The following CCDC187 variants were observed in gnomAD, a reference collection of about 807,000 sequenced individuals.
The protein encoded by CCDC187 is coiled-coil domain containing 187, also known as coiled-coil domain-containing protein 187.
In CCDC187, 32 loss-of-function variants were observed where a neutral mutation model predicts 38.0. The ratio of observed to expected loss-of-function variants is 0.84; its 90% CI spans 0.64 to 1.13. The LOEUF (loss-of-function observed/expected upper bound fraction) is 1.13. CCDC187 is among the 50% of genes most tolerant of loss of function. The pLI is 0.00. For missense variants in CCDC187, 707 were observed against 786.8 expected (o/e 0.90, Z 1.21); for synonymous variants, 333 against 347.9 (o/e 0.96, Z 0.48).
chr9:136,267,982 G>C, intron 15 of CCDC187, 67 bp downstream of exon 15: 1 of 985,342 alleles, frequency 1.0e-6, no homozygotes, highest in Non-Finnish European at 1.2e-6. Flanking sequence ...TTGGGTCCGG[G>C]GCCCACTACC....
rs868946691 is a variant in CCDC187, at chr9:136,252,432, G to A, written c.*1162C>T. 526 of 133,544 alleles carry A rather than the reference G, an allele frequency of 3.9e-3. 8 individuals carry two copies. Among genetic ancestry groups the A allele is most frequent in the Non-Finnish European group, 4.6e-3 (317 of 68,668 alleles). 8.3% of individuals were successfully genotyped at this position (133,544 alleles called of 1,614,324 possible). A position where few individuals can be genotyped will look rare whatever the true frequency, so the allele number is the denominator to read the frequency against. On this transcript the variant is annotated 3_prime_UTR_variant, in exon 26 of 26. Transcript: ENST00000638797. ...CAGCCGGCCGCCCACCCTGTCCACC[G>A]GGGGAAGGTCCAGGCAACCGTCCCG...
rs1466651189 is a variant in CCDC187 at position 136,279,311 on chromosome 9, T to C, written c.3040+2240A>G. Among the ~76,000 whole-genome samples, 3 of 152,320 alleles carry C rather than the reference T, an allele frequency of 2.0e-5. No individual in the cohort carries two copies. In the East Asian group the frequency reaches 5.8e-4, roughly 29 times the overall value. ...GGGTGTTTAAGTCTAGAAGGTTCCA[T>C]TGGACAGCTCTGGTGGAAGTGTTTA... On this transcript the variant is annotated intron_variant, in intron 10 of 25. Transcript: ENST00000638797.
In CCDC187 at chr9:136,277,353, G is replaced by T. The variant is rs1386387866; in HGVS notation, c.3041-626C>A. Reference sequence around the variant, plus strand: ...CTGATGGGGTGGGTGGGTGCTGACAGAGTGGGTGGGTGCTGAGGGGGTAAG... The same window carrying T: ...CTGATGGGGTGGGTGGGTGCTGACATAGTGGGTGGGTGCTGAGGGGGTAAG... On this transcript the variant is annotated intron_variant, in intron 10 of 25. Coordinates refer to ENST00000638797, the MANE Select transcript of CCDC187 (RefSeq NM_001378188.1). 1.2e-4 allele frequency among the ~76,000 whole-genome samples: 15 copies of T among 123,146 alleles called. No homozygotes were observed. The South Asian group carries it at 2.1e-3, about 17-fold the overall frequency. The allele number at this position is 123,146 out of a possible 152,430, so 80.8% of individuals were successfully genotyped here.
At position 136,258,773 on chromosome 9, in the gene CCDC187, T is replaced by A; in HGVS notation, c.4366+159A>T. On this transcript the variant is annotated intron_variant, in intron 22 of 25. Coordinates refer to ENST00000638797, the MANE Select transcript of CCDC187 (RefSeq NM_001378188.1). This position sits in a 1 kb window ranked among gnomAD's most constrained non-coding sequence, Gnocchi z 4.3. ...ATGGAGCCGGCCACTCTTCTTGCAG[T>A]GAAGGGGTCTGAGGCCAGGGTGGGG... 1 of 985,384 alleles carries A rather than the reference T, an allele frequency of 1.0e-6. No homozygotes were observed. The highest frequency in any genetic ancestry group is 1.2e-6 in the Non-Finnish European group (1 of 829,912). The allele number at this position is 985,384 out of a possible 1,614,324, so 61.0% of individuals were successfully genotyped here.
Position 136,262,323 on chromosome 9 carries a change from G to A in CCDC187, c.4052C>T (p.Ser1351Leu), listed in dbSNP as rs1830688939. The change falls in exon 19 of 26, where the codon TCA (serine) becomes TTA (leucine). Residue 1351 changes from serine (S) to leucine (L), a missense_variant. Ser to Leu is a moderately radical substitution (Grantham distance 145). Coordinates refer to ENST00000638797, the MANE Select transcript of CCDC187 (RefSeq NM_001378188.1). ...CCAACCAACTCACCGCGTGGCCTTT[G>A]AGCTTGCGGGGCTGCTCTGGGGGCG... Reference protein sequence around the residue: ...SHRPQSSPASSKATRPPTEQQ... With the variant: ...SHRPQSSPASLKATRPPTEQQ... 1 of 986,540 alleles carries A rather than the reference G, an allele frequency of 1.0e-6. No homozygotes were observed. The highest frequency in any genetic ancestry group is 1.2e-6 in the Non-Finnish European group (1 of 830,808). 61.1% of individuals were successfully genotyped at this position (986,540 alleles called of 1,614,324 possible).
chr9:136,271,135 A>G (rs1487354659), intron 14 of CCDC187, among the ~76,000 whole-genome samples: 3 of 152,236 alleles, frequency 2.0e-5, no homozygotes, highest in Non-Finnish European at 4.4e-5. Context: ...AAAGAGGAGC[A>G]AAAAGATATT....
rs950084074 is a variant in CCDC187, at chr9:136,281,593, C to T, written c.2998G>A (p.Gly1000Arg). ...CAGGGCGCCACAGAATCTGCCCCTC[C>T]GACCGACGGCGTCTCCTCCAGTCCC... ...SLGLEETPSV[G>R]GADSVAPCTP... The change falls in exon 10 of 26, where the codon GGA (glycine) becomes AGA (arginine). Residue 1000 changes from glycine to arginine, a missense_variant. Gly to Arg is a moderately radical substitution (Grantham distance 125). Transcript: ENST00000638797. The T allele has an allele frequency of 1.0e-4, 41 of 398,552 alleles. No individual in the cohort carries two copies. Among genetic ancestry groups the T allele is most frequent in the African/African-American group, 3.9e-4 (19 of 48,744 alleles). The allele number at this position is 398,552 out of a possible 1,614,324, so 24.7% of individuals were successfully genotyped here.
rs1309116817 is a variant in CCDC187, at chr9:136,276,660, A to T, written c.3108T>A (p.Asp1036Glu). ...NTQQKTSSFL[D>E]SLKLDQQKQA... is the part of the protein sequence containing the mutation. ...TCGGCCTTGGGCAAACCTTCAGAGA[A>T]TCCAGAAAGCTGGAGGTCTTCTGTT... The change falls in exon 11 of 26, where the codon GAT becomes GAA. Residue 1036 changes from aspartate (D) to glutamate (E), a missense_variant. Asp to Glu is a conservative substitution (Grantham distance 45). Coordinates refer to ENST00000638797, the MANE Select transcript of CCDC187 (RefSeq NM_001378188.1). The T allele has an allele frequency of 6.6e-6, 1 of 152,106 alleles. No homozygotes were observed. The highest frequency in any genetic ancestry group is 1.5e-5 in the Non-Finnish European group (1 of 68,036). The allele number at this position is 152,106 out of a possible 1,614,324, so 9.4% of individuals were successfully genotyped here.
chr9:136,277,132 C>T lies in CCDC187; in HGVS notation c.3041-405G>A, dbSNP rs1034548348. The stretch of plus-strand genomic sequence containing the variant: ...ACAGACCGGGTCTGTCATGCATTTG[C>T]CATGTGACCTTGAACAAATCACTTG... On this transcript the variant is annotated intron_variant, in intron 10 of 25. Transcript: ENST00000638797. 3.9e-5 allele frequency among the ~76,000 whole-genome samples: 6 copies of T among 151,908 alleles called. No individual in the cohort carries two copies. In the South Asian group the frequency reaches 1.2e-3, roughly 32 times the overall value.
At position 136,300,837 on chromosome 9, in the gene CCDC187, G is replaced by A. The variant is rs979318217; in HGVS notation, c.626-519C>T. On this transcript the variant is annotated intron_variant, in intron 2 of 25. Transcript: ENST00000638797. ...GCTAGTCTCGAACTCCTGACCTCACGTGATCTGCCCACCTCAGCCTCCCAA... is the reference window on the plus strand; with the variant it reads ...GCTAGTCTCGAACTCCTGACCTCACATGATCTGCCCACCTCAGCCTCCCAA... Among the ~76,000 whole-genome samples, 39 of 152,308 alleles carry A rather than the reference G, an allele frequency of 2.6e-4. 1 individual carries two copies. Among genetic ancestry groups the A allele is most frequent in the African/African-American group, 7.0e-4 (29 of 41,550 alleles).
chr9:136,261,751 G>A (rs1376443130), intron 19 of CCDC187, among the ~76,000 whole-genome samples: 1 of 152,218 alleles, frequency 6.6e-6, no homozygotes, highest in African/African-American at 2.4e-5. Flanking sequence ...GCCTCCAAAG[G>A]CTGCTCCCCC....
chr9:136,299,987 C>T (rs1831635288), intron 3 of CCDC187, among the ~76,000 whole-genome samples: 1 of 152,236 alleles, frequency 6.6e-6, no homozygotes, highest in African/African-American at 2.4e-5. Flanking sequence ...TGCTCAGCTC[C>T]CCTGCCCTGC....
rs1831042660 is a variant in CCDC187, at chr9:136,281,557, T to C, written c.3034A>G (p.Ser1012Gly). 9 of 398,336 alleles carry C rather than the reference T, an allele frequency of 2.3e-5. No individual in the cohort carries two copies. Among genetic ancestry groups the C allele is most frequent in the Non-Finnish European group, 3.5e-5 (8 of 226,010 alleles). The allele number at this position is 398,336 out of a possible 1,614,324, so 24.7% of individuals were successfully genotyped here. Residue 1012 changes from serine (S) to glycine (G), a missense_variant, in exon 10 of 26, where the codon AGC (serine) becomes GGC (glycine). Ser to Gly is a moderately conservative substitution (Grantham distance 56). Transcript: ENST00000638797. ...TCCGCAGGGTCGCCCTTACCGCAGC[T>C]CCGGGGGGTGCAGGGCGCCACAGAA... ...ADSVAPCTPRSCGQQEDPCVR... is the reference protein window; with the variant it reads ...ADSVAPCTPRGCGQQEDPCVR...
chr9:136,293,235 G>T lies in CCDC187; in HGVS notation c.833-940C>A, dbSNP rs1046649827. Among the ~76,000 whole-genome samples the T allele has an allele frequency of 2.1e-3, 243 of 116,926 alleles. 3 individuals carry two copies. The highest frequency in any genetic ancestry group is 7.6e-3 in the African/African-American group (229 of 30,198). The allele number at this position is 116,926 out of a possible 152,430, so 76.7% of individuals were successfully genotyped here. On this transcript the variant is annotated intron_variant, in intron 4 of 25. Transcript: ENST00000638797. ...CATGCTCACACACTCACACTCACAC[G>T]CTCACACTCACATGCTTACACACTC... is the stretch of plus-strand genomic sequence containing the variant.
intron 4 of CCDC187, among the ~76,000 whole-genome samples, chr9:136,293,451 GCTCACA>G (rs1340431399): frequency 1.2e-4 from 4 of 34,534 alleles, no homozygotes; most frequent in Non-Finnish European, 2.4e-4. Context: ...ACTCACACAT[GCTCACA>G]CTCACACTCA....
intron 17 of CCDC187, 171 bp downstream of exon 17, chr9:136,265,785 C>T: frequency 5.6e-6 from 1 of 180,104 alleles, no homozygotes; most frequent in Non-Finnish European, 1.1e-5. Context: ...CCCTCTTGGG[C>T]CGTGGACACT....
chr9:136,298,013 G>C (rs905226965), intron 3 of CCDC187, among the ~76,000 whole-genome samples, 192 bp from the exon 4 acceptor site: 1 of 152,242 alleles, frequency 6.6e-6, no homozygotes, highest in Non-Finnish European at 1.5e-5. Context: ...CAGTCTGACT[G>C]TCACGTCCCC....
At chr9:136,260,831 C>T (rs562483887) in intron 19 of CCDC187, among the ~76,000 whole-genome samples, 1 of 152,300 alleles carries the variant, frequency 6.6e-6, no homozygotes, top group African/African-American at 2.4e-5. Flanking sequence ...CCCTGTATCC[C>T]AAGGTAGATG....
At chr9:136,261,358 T>C (rs540886317) in intron 19 of CCDC187, among the ~76,000 whole-genome samples, 220 of 152,272 alleles carry the variant, frequency 1.4e-3, no homozygotes, top group Non-Finnish European at 2.0e-3. Flanking sequence ...TTTTCTCTAT[T>C]TTCTAGCTGT....
Sources: allele counts gnomAD v4.1 joint callset (sites outside exome capture counted in the v4.1 genomes callset), GRCh38; gene constraint gnomAD v4.1.1; non-coding constraint Gnocchi (gnomAD v3.1); transcripts MANE v1.5; gene names NCBI Gene and HGNC (gene_info 2026-07-23, HGNC 2026-07-21).